The following RANBP9 variants were observed in gnomAD, a reference collection of about 807,000 sequenced individuals.
RANBP9 encodes RAN binding protein 9.
A neutral mutation model predicts 84.3 loss-of-function variants in RANBP9; 15 were observed. The ratio of observed to expected loss-of-function variants is 0.18; its 90% CI spans 0.12 to 0.27. RANBP9 has a LOEUF of 0.27. Among genes scored for constraint, RANBP9 ranks in the 10% least tolerant of loss-of-function variants. RANBP9 has a pLI of 1.00. For missense variants in RANBP9, 809 were observed against 912.8 expected (o/e 0.89, Z 1.46); for synonymous variants, 392 against 349.6 (o/e 1.12, Z -1.35).
intron 2 of RANBP9, among the ~76,000 whole-genome samples, chr6:13,692,249 A>G (rs957340615): frequency 1.3e-5 from 2 of 152,272 alleles, no homozygotes; most frequent in East Asian, 3.9e-4. Flanking sequence ...GAAGTACAAT[A>G]GTTTGGCCAG....
chr6:13,709,556 A>T (rs1319333394), intron 1 of RANBP9, among the ~76,000 whole-genome samples: 1 of 152,274 alleles, frequency 6.6e-6, no homozygotes, highest in Non-Finnish European at 1.5e-5. Context: ...TCACAAGGAA[A>T]TTAACAAAAG....
At chr6:13,690,616 G>C (rs988063420) in intron 2 of RANBP9, among the ~76,000 whole-genome samples, 1 of 152,116 alleles carries the variant, frequency 6.6e-6, no homozygotes, top group Non-Finnish European at 1.5e-5. Context: ...TCAATATTTT[G>C]TTTGAAGAGC....
Position 13,711,555 on chromosome 6 carries a change from C to T in RANBP9, c.-50G>A, listed in dbSNP as rs746773668. ...CACCTCCACCTCTTCTCTCCTTCCT[C>T]CTCTGCTTCCCGGGGGCGCTGTCGC... On this transcript the variant is annotated 5_prime_UTR_variant, in exon 1 of 14. Transcript: ENST00000011619. The T allele has an allele frequency of 6.5e-6, 8 of 1,234,206 alleles. No individual in the cohort carries two copies. The highest frequency in any genetic ancestry group is 6.4e-5 in the East Asian group (2 of 31,304). 76.5% of individuals were successfully genotyped at this position (1,234,206 alleles called of 1,614,324 possible).
At chr6:13,658,759 G>A in intron 3 of RANBP9, 21 bp downstream of exon 3, 2 of 1,529,206 alleles carry the variant, frequency 1.3e-6, no homozygotes, top group Non-Finnish European at 1.8e-6. Flanking sequence ...ACATAATACT[G>A]TAATTCAATT....
chr6:13,621,900 T>TC lies in RANBP9; in HGVS notation c.*461dup, dbSNP rs74780132. On this transcript the variant is annotated 3_prime_UTR_variant, in exon 14 of 14. Coordinates refer to ENST00000011619, the MANE Select transcript of RANBP9 (RefSeq NM_005493.3). ...CCATCAACACTATAAATTCAAACTG[T>TC]CGGATGTTTATGCATTTTGCAAGTT... The TC allele has an allele frequency of 0.2, 30,357 of 152,794 alleles. 3,619 individuals carry two copies. The highest frequency in any genetic ancestry group is 0.28 in the East Asian group (1,469 of 5,188). The allele number at this position is 152,794 out of a possible 1,614,324, so 9.5% of individuals were successfully genotyped here. A position where few individuals can be genotyped will look rare whatever the true frequency, so the allele number is the denominator to read the frequency against.
At chr6:13,670,288 G>C (rs1765744962) in intron 2 of RANBP9, among the ~76,000 whole-genome samples, 1 of 151,846 alleles carries the variant, frequency 6.6e-6, no homozygotes, top group South Asian at 2.1e-4. Flanking sequence ...TTAAGATTCT[G>C]TCTCAAAAAT....
At chr6:13,656,105 G>A (rs1183152018) in intron 4 of RANBP9, among the ~76,000 whole-genome samples, 6 of 152,266 alleles carry the variant, frequency 3.9e-5, no homozygotes, top group South Asian at 2.1e-4. Context: ...AAAGAGTATT[G>A]CCAATGCAGC....
intron 1 of RANBP9, among the ~76,000 whole-genome samples, chr6:13,701,193 A>T (rs1036615347): frequency 6.6e-6 from 1 of 152,112 alleles, no homozygotes; most frequent in Non-Finnish European, 1.5e-5. Flanking sequence ...TCATTCTATC[A>T]TATCCAACCA....
intron 11 of RANBP9, 105 bp downstream of exon 11, chr6:13,634,326 T>C: frequency 7.3e-7 from 1 of 1,362,546 alleles, no homozygotes; most frequent in Non-Finnish European, 1.0e-6. Context: ...AGCACATACA[T>C]CTTTAAATCT....
At chr6:13,645,964 G>T (rs1049733572) in intron 5 of RANBP9, among the ~76,000 whole-genome samples, 19 of 152,270 alleles carry the variant, frequency 1.2e-4, no homozygotes, top group African/African-American at 4.3e-4. Flanking sequence ...AGTACTACTG[G>T]ATTATGGAAA....
Position 13,657,147 on chromosome 6 carries a change from T to A in RANBP9, c.866A>T (p.Asn289Ile). ...ATTCTTGGTGTAAAAGCAGGTATTG[T>A]TGATAAGATTAACACAACAGCCAAT... ...DVIGCCVNLINNTCFYTKNGH... is the reference protein window; with the variant it reads ...DVIGCCVNLIINTCFYTKNGH... The change falls in exon 4 of 14, where the codon AAC becomes ATC. Residue 289 changes from asparagine (N) to isoleucine (I), a missense_variant. Asn to Ile is a moderately radical substitution (Grantham distance 149). Around this residue, in one of 5 missense-constraint regions of RANBP9, gnomAD observed 216 missense variants for 329.0 expected, o/e 0.66. Coordinates refer to ENST00000011619, the MANE Select transcript of RANBP9 (RefSeq NM_005493.3). 6.2e-7 allele frequency: 1 copy of A among 1,612,814 alleles called. No homozygotes were observed. The highest frequency in any genetic ancestry group is 2.2e-5 in the East Asian group (1 of 44,794).
At chr6:13,646,744 ACT>A (rs984406858) in intron 5 of RANBP9, among the ~76,000 whole-genome samples, 2 of 152,050 alleles carry the variant, frequency 1.3e-5, no homozygotes, top group African/African-American at 4.8e-5. Context: ...AAGACAAATG[ACT>A]CTCTAGAAAA....
At chr6:13,627,401 A>AG (rs1162068710) in intron 12 of RANBP9, among the ~76,000 whole-genome samples, 13 of 152,080 alleles carry the variant, frequency 8.5e-5, no homozygotes, top group Non-Finnish European at 1.6e-4. Flanking sequence ...AAGCAGAGGC[A>AG]GGCAGATCAT....
At chr6:13,666,043 G>C (rs1450497383) in intron 2 of RANBP9, among the ~76,000 whole-genome samples, 2 of 152,112 alleles carry the variant, frequency 1.3e-5, no homozygotes, top group African/African-American at 2.4e-5. Context: ...ATAGAGGTTT[G>C]TATTTCATGG....
At chr6:13,639,787 A>G (rs377483527) in intron 8 of RANBP9, 34 bp from the exon 9 acceptor site, 1 of 1,524,314 alleles carries the variant, frequency 6.6e-7, no homozygotes, top group Non-Finnish European at 9.0e-7. Context: ...CTTAGACACA[A>G]TCTTCAAATG....
chr6:13,642,180 A>G (rs1278465921), intron 7 of RANBP9, among the ~76,000 whole-genome samples: 2 of 152,186 alleles, frequency 1.3e-5, no homozygotes, highest in African/African-American at 4.8e-5. Flanking sequence ...TTATTTTTAA[A>G]TCTTTTTATT....
At chr6:13,708,246 A>G (rs1758177907) in intron 1 of RANBP9, among the ~76,000 whole-genome samples, 1 of 151,556 alleles carries the variant, frequency 6.6e-6, no homozygotes, top group African/African-American at 2.4e-5. Flanking sequence ...ACACAGTAAG[A>G]CCCCATCTCC....
At chr6:13,702,724 G>GA (rs916340153) in intron 1 of RANBP9, among the ~76,000 whole-genome samples, 11 of 148,614 alleles carry the variant, frequency 7.4e-5, no homozygotes, top group African/African-American at 2.2e-4. Flanking sequence ...AAAATTAGAA[G>GA]AAAAAAAAAA....
At chr6:13,635,960 A>T (rs1473017595) in intron 10 of RANBP9, among the ~76,000 whole-genome samples, 1 of 152,116 alleles carries the variant, frequency 6.6e-6, no homozygotes, top group African/African-American at 2.4e-5. Context: ...ACCTATAAAA[A>T]GCTAATTAAG....
Sources: gnomAD v4.1 joint callset for allele counts (sites outside exome capture counted in the v4.1 genomes callset) on GRCh38, gnomAD v4.1.1 for gene constraint, gnomAD v4.1.1 regional missense constraint, MANE v1.5 for transcripts, NCBI Gene and HGNC (gene_info 2026-07-23, HGNC 2026-07-21) for gene names.